Variants in VEPH1 observed in about 807,000 individuals in gnomAD.
VEPH1 encodes the protein ventricular zone-expressed PH domain-containing protein homolog 1.
VEPH1 carries 80 observed loss-of-function variants against 85.2 expected under a neutral mutation model. The observed-to-expected ratio is 0.94, with a 90% CI of 0.78 to 1.13. VEPH1 has a LOEUF of 1.13. VEPH1 is among the 50% of genes most tolerant of loss of function. The probability of loss-of-function intolerance (pLI) is 0.00; values close to 1 mark genes in which losing one functional copy is unlikely to be tolerated. For synonymous variants in VEPH1, 297 were observed against 348.0 expected, an observed-to-expected ratio of 0.85 and a Z score of 1.63; for missense variants, 955 against 980.5, an observed-to-expected ratio of 0.97 and a Z score of 0.35.
chr3:157,299,137 C>T (rs885094), intron 11 of VEPH1, among the ~76,000 whole-genome samples: 103,120 of 152,068 alleles, frequency 0.68, 35,205 homozygotes, highest in East Asian at 0.78. Flanking sequence ...GAAAATAATG[C>T]TCATTACTTT....
chr3:157,474,496 T>A (rs1302088583), intron 2 of VEPH1, among the ~76,000 whole-genome samples: 4 of 152,246 alleles, frequency 2.6e-5, no homozygotes, highest in Non-Finnish European at 5.9e-5. Context: ...GGTTGTTAAC[T>A]CTCTTTCTGT....
chr3:157,287,534 A>G (rs1315700680), intron 11 of VEPH1, among the ~76,000 whole-genome samples: 1 of 151,948 alleles, frequency 6.6e-6, no homozygotes, highest in Non-Finnish European at 1.5e-5. Flanking sequence ...CTATTACATA[A>G]TATAAGCTAC....
intron 9 of VEPH1, among the ~76,000 whole-genome samples, chr3:157,351,045 A>G (rs1410935291): frequency 1.3e-5 from 2 of 152,228 alleles, no homozygotes; most frequent in Non-Finnish European, 2.9e-5. Flanking sequence ...GGAAATTATT[A>G]TATTGAAGAG....
intron 9 of VEPH1, 95 bp from the exon 10 acceptor site, chr3:157,317,296 C>T: frequency 8.1e-7 from 1 of 1,230,990 alleles, no homozygotes; most frequent in Non-Finnish European, 1.1e-6. Flanking sequence ...TATAAAATAT[C>T]CTTCAGTTTT....
chr3:157,455,223 C>T (rs1735275036), intron 4 of VEPH1, among the ~76,000 whole-genome samples: 3 of 152,248 alleles, frequency 2.0e-5, no homozygotes, highest in East Asian at 1.9e-4. Flanking sequence ...AGTGTATAAG[C>T]GTTCTCTTTT....
chr3:157,329,399 T>C lies in VEPH1; in HGVS notation c.1736-12198A>G, dbSNP rs939220601. Among the ~76,000 whole-genome samples, 5 of 152,336 alleles carry C rather than the reference T, an allele frequency of 3.3e-5. No individual in the cohort carries two copies. The South Asian group carries it at 1.0e-3, about 32-fold the overall frequency. On this transcript the variant is annotated intron_variant, in intron 9 of 13. Transcript: ENST00000362010. ...TAAATTGCCTCTGTCAGGTTAGCCA[T>C]GGAAACCAGAACATCTACAGTAAAA...
At chr3:157,425,180 C>G (rs763603766) in intron 5 of VEPH1, among the ~76,000 whole-genome samples, 8 of 152,186 alleles carry the variant, frequency 5.3e-5, no homozygotes, top group Non-Finnish European at 7.4e-5. Flanking sequence ...TTTACAACTT[C>G]CATGTGGTGT....
intron 2 of VEPH1, among the ~76,000 whole-genome samples, chr3:157,472,394 T>C (rs1044469468): frequency 1.3e-5 from 2 of 152,262 alleles, no homozygotes; most frequent in Non-Finnish European, 2.9e-5. Context: ...AGTGAATAAT[T>C]CATTTCCTAG....
intron 12 of VEPH1, among the ~76,000 whole-genome samples, chr3:157,269,111 G>T (rs1437503899): frequency 6.6e-6 from 1 of 152,146 alleles, no homozygotes; most frequent in African/African-American, 2.4e-5. Flanking sequence ...GATTGACTTA[G>T]GTAATATTTA....
At chr3:157,434,579 C>T (rs1247155643) in intron 4 of VEPH1, among the ~76,000 whole-genome samples, 2 of 152,188 alleles carry the variant, frequency 1.3e-5, no homozygotes, top group Admixed American at 6.5e-5. Context: ...TCCCAAAGTA[C>T]TGGGATTCTG....
intron 6 of VEPH1, 127 bp from the exon 7 acceptor site, chr3:157,381,503 A>G: frequency 1.1e-6 from 1 of 890,326 alleles, no homozygotes; most frequent in East Asian, 2.6e-5. Context: ...CTCCTGATCG[A>G]GAACAGGAGT....
chr3:157,293,446 G>A (rs1717770867), intron 11 of VEPH1, among the ~76,000 whole-genome samples: 1 of 152,090 alleles, frequency 6.6e-6, no homozygotes, highest in Non-Finnish European at 1.5e-5. Flanking sequence ...CTATGTGTTG[G>A]GAAGAACTGA....
At chr3:157,488,148 C>T (rs1002966932) in intron 2 of VEPH1, among the ~76,000 whole-genome samples, 1 of 152,074 alleles carries the variant, frequency 6.6e-6, no homozygotes, top group Non-Finnish European at 1.5e-5. Context: ...CCATTTAAAA[C>T]ATATTTTTTT....
chr3:157,464,340 A>G lies in VEPH1; in HGVS notation c.355-3985T>C, dbSNP rs554496568. ...TGGTAAAGGAGGAGATCTCAGGCCC[A>G]TGAAACTATTTCATCTCTGGAATTA... On this transcript the variant is annotated intron_variant, in intron 3 of 13. Transcript: ENST00000362010. 3.9e-5 allele frequency among the ~76,000 whole-genome samples: 6 copies of G among 152,348 alleles called. No individual in the cohort carries two copies. In the South Asian group the frequency reaches 1.0e-3, roughly 26 times the overall value.
chr3:157,312,549 C>A (rs1720219958), intron 11 of VEPH1, among the ~76,000 whole-genome samples: 1 of 152,196 alleles, frequency 6.6e-6, no homozygotes, highest in African/African-American at 2.4e-5. Flanking sequence ...AATGCTTTAT[C>A]TTCTTCTGCT....
intron 4 of VEPH1, among the ~76,000 whole-genome samples, chr3:157,428,793 C>T (rs1371184492): frequency 6.6e-6 from 1 of 152,108 alleles, no homozygotes; most frequent in African/African-American, 2.4e-5. Context: ...GAGAAGGAAA[C>T]AGTTCCAATA....
At chr3:157,381,402 G>T in intron 6 of VEPH1, 26 bp from the exon 7 acceptor site, 1 of 1,610,048 alleles carries the variant, frequency 6.2e-7, no homozygotes, top group Non-Finnish European at 8.5e-7. Flanking sequence ...AAGAAAATAG[G>T]TTTATCTTTT....
intron 9 of VEPH1, among the ~76,000 whole-genome samples, chr3:157,340,520 G>A (rs957358776): frequency 1.3e-5 from 2 of 152,132 alleles, no homozygotes; most frequent in Non-Finnish European, 2.9e-5. Context: ...TAAACAAAGC[G>A]GCCAGGAAGC....
At chr3:157,268,743 C>T (rs77184967) in intron 12 of VEPH1, among the ~76,000 whole-genome samples, 8,321 of 152,060 alleles carry the variant, frequency 0.055, 666 homozygotes, top group African/African-American at 0.18. Flanking sequence ...CTTGACTTTA[C>T]AGTTTTTTTG....
Sources: gnomAD v4.1 joint callset for allele counts (sites outside exome capture counted in the v4.1 genomes callset) on GRCh38, gnomAD v4.1.1 for gene constraint, MANE v1.5 for transcripts, NCBI Gene and HGNC (gene_info 2026-07-23, HGNC 2026-07-21) for gene names.